CCND3: variants seen among roughly 807,000 people sequenced by gnomAD.
CCND3 encodes G1/S-specific cyclin-D3.
A neutral mutation model predicts 28.7 loss-of-function variants in CCND3; 9 were observed. The ratio of observed to expected loss-of-function variants is 0.31; its 90% confidence interval spans 0.19 to 0.55. CCND3 has a LOEUF of 0.55. CCND3 is among the 20% of genes least tolerant of loss of function. The pLI is 0.93. For missense variants in CCND3, 315 were observed against 385.8 expected (o/e 0.82, Z 1.54); for synonymous variants, 164 against 163.9 (o/e 1.00, Z 0.00).
At chr6:42,029,837 CA>C (rs34732029) in intron 1 of CCND3, among the ~76,000 whole-genome samples, 44,871 of 118,098 alleles carry the variant, frequency 0.38, 7,714 homozygotes, top group Non-Finnish European at 0.46. Flanking sequence ...AACTCTGTCT[CA>C]AAAAAAAAAA....
intron 1 of CCND3, among the ~76,000 whole-genome samples, chr6:41,948,343 GTT>G (rs60929545): frequency 1.4e-5 from 2 of 144,290 alleles, no homozygotes; most frequent in African/African-American, 5.1e-5. Context: ...GTTTTTTTTT[GTT>G]TTTTTTTTTG....
At chr6:41,944,590 T>A (rs1776123711), upstream of CCND3, among the ~76,000 whole-genome samples, 1 of 152,032 alleles carries the variant, frequency 6.6e-6, no homozygotes. Context: ...CCCGGCTAAT[T>A]TTTGTATTTT....
At chr6:42,000,856 C>T (rs1295984543) in intron 1 of CCND3, among the ~76,000 whole-genome samples, 8 of 151,866 alleles carry the variant, frequency 5.3e-5, no homozygotes, top group Admixed American at 6.6e-5. Flanking sequence ...CATGCCACCA[C>T]GCCTGGCCAT....
chr6:42,014,524 G>A (rs1403466954), intron 1 of CCND3, among the ~76,000 whole-genome samples: 1 of 152,172 alleles, frequency 6.6e-6, no homozygotes. Flanking sequence ...TATATTAATG[G>A]CATTGGAAAA....
intron 1 of CCND3, among the ~76,000 whole-genome samples, chr6:42,018,810 G>A (rs1306301054): frequency 6.6e-6 from 1 of 150,512 alleles, no homozygotes; most frequent in African/African-American, 2.4e-5. Context: ...AGAATCACTT[G>A]AACCCAGGAG....
At chr6:41,996,344 TTCA>T (rs1207332497) in intron 1 of CCND3, among the ~76,000 whole-genome samples, 4 of 151,706 alleles carry the variant, frequency 2.6e-5, no homozygotes, top group African/African-American at 9.7e-5. Context: ...GAGATGGGGT[TTCA>T]CCATGTTGGC....
At chr6:41,953,400 A>T (rs147529556) in intron 1 of CCND3, among the ~76,000 whole-genome samples, 67 of 152,192 alleles carry the variant, frequency 4.4e-4, no homozygotes, top group African/African-American at 1.6e-3. Flanking sequence ...AGCCTGTCAA[A>T]GGGGGATAAC....
At chr6:41,964,391 T>C (rs993469635) in intron 1 of CCND3, among the ~76,000 whole-genome samples, 2 of 151,548 alleles carry the variant, frequency 1.3e-5, no homozygotes, top group Non-Finnish European at 2.9e-5. Flanking sequence ...AGTGTGTGTG[T>C]GCATGTGTGA....
intron 1 of CCND3, among the ~76,000 whole-genome samples, chr6:42,034,448 GC>G (rs1209433496): frequency 2.1e-5 from 3 of 140,072 alleles, no homozygotes; most frequent in Non-Finnish European, 4.5e-5. Flanking sequence ...GAGCCACCGT[GC>G]CTGGCCAACC....
rs557582227 is a variant in CCND3, at chr6:41,962,656, G to C, written c.-45-22071C>G. Among the ~76,000 whole-genome samples the C allele has an allele frequency of 1.5e-4, 23 of 152,318 alleles. 1 individual carries two copies. The South Asian group carries it at 4.8e-3, about 32-fold the overall frequency. Reference sequence around the variant, plus strand: ...CCTATTTACTGAGGAGGCTTAGGTGGGAAGATTACTTGAGCCTGGGAGGCT... The same window carrying C: ...CCTATTTACTGAGGAGGCTTAGGTGCGAAGATTACTTGAGCCTGGGAGGCT... On this transcript the variant is annotated intron_variant, in intron 1 of 4. Transcript: ENST00000372988.
chr6:42,046,638 ACGCACACACGCGCG>A (rs1316628656), intron 1 of CCND3, among the ~76,000 whole-genome samples: 1 of 152,114 alleles, frequency 6.6e-6, no homozygotes, highest in Non-Finnish European at 1.5e-5. Flanking sequence ...GTTTGTGTGC[ACGCACACACGCGCG>A]CGCACACACA....
rs190394150 is a variant in CCND3, at chr6:41,949,070, C to T, written c.-45-8485G>A. Among the ~76,000 whole-genome samples, 5 of 151,720 alleles carry T rather than the reference C, an allele frequency of 3.3e-5. No individual in the cohort carries two copies. In the East Asian group the frequency reaches 9.8e-4, roughly 30 times the overall value. ...TTCCCCAAGATAATATTTCTTAGAT[C>T]GGGCATGATGGCTCACGCCTGCAAT... On this transcript the variant is annotated intron_variant, in intron 1 of 4. Coordinates refer to the CCND3 transcript ENST00000372988.
intron 1 of CCND3, among the ~76,000 whole-genome samples, chr6:41,962,290 G>A (rs566597902): frequency 1.2e-4 from 19 of 152,168 alleles, no homozygotes; most frequent in African/African-American, 4.3e-4. Flanking sequence ...AGTAGAGACA[G>A]GGTTTCACCA....
At chr6:41,974,040 G>T (rs543352469) in intron 1 of CCND3, among the ~76,000 whole-genome samples, 2 of 152,272 alleles carry the variant, frequency 1.3e-5, no homozygotes, top group East Asian at 3.9e-4. Flanking sequence ...AAAATTAGCC[G>T]GGTGTGGTGG....
chr6:42,033,218 G>A (rs952398561), intron 1 of CCND3, among the ~76,000 whole-genome samples: 15 of 152,052 alleles, frequency 9.9e-5, no homozygotes, highest in African/African-American at 3.4e-4. Flanking sequence ...TTGGGAGGCC[G>A]AGGCAGGTGG....
chr6:41,954,404 A>C (rs1776390506), intron 1 of CCND3, among the ~76,000 whole-genome samples: 1 of 151,774 alleles, frequency 6.6e-6, no homozygotes, highest in Admixed American at 6.6e-5. Flanking sequence ...ACAAAAATTT[A>C]GCCGGGTGTT....
At chr6:41,963,346 G>A (rs1477852719) in intron 1 of CCND3, among the ~76,000 whole-genome samples, 1 of 152,238 alleles carries the variant, frequency 6.6e-6, no homozygotes, top group Non-Finnish European at 1.5e-5. Flanking sequence ...AGACACACAG[G>A]TTGCCCACAG....
At chr6:41,981,378 T>C (rs1762341610) in intron 1 of CCND3, among the ~76,000 whole-genome samples, 1 of 151,930 alleles carries the variant, frequency 6.6e-6, no homozygotes, top group African/African-American at 2.4e-5. Flanking sequence ...CTAATTTTTG[T>C]ACTTTTAGTA....
rs2127395366 is a variant in CCND3, at chr6:41,941,611, G to A, written c.39C>T (p.Pro13=). The change falls in exon 1 of 5, where the codon CCC becomes CCT. Residue 13 remains proline, a synonymous_variant. Transcript: ENST00000372991. This position sits in a 1 kb window ranked among gnomAD's most constrained non-coding sequence, Gnocchi z 6.1. ...GCAGCCGCGGGTCCGGCCCGGCCCG[G>A]GGCGCGTGCCGGGTGCCTTCGCAAC... ...LLCCEGTRHA[P]RAGPDPRLLG... 1 of 1,525,236 alleles carries A rather than the reference G, an allele frequency of 6.6e-7. No individual in the cohort carries two copies. Among genetic ancestry groups the A allele is most frequent in the Non-Finnish European group, 8.8e-7 (1 of 1,133,938 alleles). The allele number at this position is 1,525,236 out of a possible 1,614,324, so 94.5% of individuals were successfully genotyped here.
Sources: allele counts gnomAD v4.1 joint callset (sites outside exome capture counted in the v4.1 genomes callset), GRCh38; gene constraint gnomAD v4.1.1; non-coding constraint Gnocchi (gnomAD v3.1); transcripts MANE v1.5; gene names NCBI Gene and HGNC (gene_info 2026-07-23, HGNC 2026-07-21).